Variants in UBAC2 observed in about 807,000 individuals in gnomAD.
The protein encoded by UBAC2 is ubiquitin-associated domain-containing protein 2.
A neutral mutation model predicts 44.0 loss-of-function variants in UBAC2; 26 were observed. The observed-to-expected ratio is 0.59, with a 90% CI of 0.43 to 0.82. UBAC2 has a LOEUF of 0.82. Ranked by LOEUF, UBAC2 falls within the 40% of genes least tolerant of loss-of-function variation. The pLI, the probability that UBAC2 is intolerant of heterozygous loss-of-function variation, is 0.00. For synonymous variants in UBAC2, 155 were observed against 154.3 expected (o/e 1.00, Z -0.04); for missense variants, 329 against 419.4 (o/e 0.78, Z 1.88).
chr13:99,302,776 C>T (rs1430538951), intron 4 of UBAC2, among the ~76,000 whole-genome samples: 1 of 152,156 alleles, frequency 6.6e-6, no homozygotes, highest in Non-Finnish European at 1.5e-5. Context: ...TTAGTAAAGT[C>T]AAATTGTCCA....
In UBAC2 at chr13:99,295,219, G is replaced by T; in HGVS notation, c.390-18878G>T. On this transcript the variant is annotated intron_variant, in intron 4 of 8. Coordinates refer to ENST00000403766, the MANE Select transcript of UBAC2 (RefSeq NM_001144072.2). This position sits in a 1 kb window ranked among gnomAD's most constrained non-coding sequence, Gnocchi z 4.1. ...TTCTCTTATACCCTTTACATGCAAAGAAGTAGATAAAAGGGTCCATGCAGC... is the reference window on the plus strand; with the variant it reads ...TTCTCTTATACCCTTTACATGCAAATAAGTAGATAAAAGGGTCCATGCAGC... 3.1e-6 allele frequency: 5 copies of T among 1,614,104 alleles called. No homozygotes were observed. The highest frequency in any genetic ancestry group is 4.2e-6 in the Non-Finnish European group (5 of 1,179,996).
chr13:99,269,424 GTTATTA>G (rs2043789136), intron 4 of UBAC2, among the ~76,000 whole-genome samples: 1 of 152,140 alleles, frequency 6.6e-6, no homozygotes, highest in East Asian at 1.9e-4. Flanking sequence ...GCAATGTAGA[GTTATTA>G]TTATATTTCT....
intron 4 of UBAC2, among the ~76,000 whole-genome samples, chr13:99,282,927 C>T (rs9585032): frequency 6.6e-6 from 1 of 152,078 alleles, no homozygotes; most frequent in African/African-American, 2.4e-5. Context: ...TGCTTGAAAT[C>T]TAATGTGCTT....
At chr13:99,303,270 T>A (rs2044282754) in intron 4 of UBAC2, among the ~76,000 whole-genome samples, 1 of 152,264 alleles carries the variant, frequency 6.6e-6, no homozygotes, top group African/African-American at 2.4e-5. Context: ...TTGTGCTTTA[T>A]ATGTGTCCTG....
At chr13:99,292,300 T>C (rs1195460255) in intron 4 of UBAC2, among the ~76,000 whole-genome samples, 1 of 144,158 alleles carries the variant, frequency 6.9e-6, no homozygotes, top group Non-Finnish European at 1.6e-5. Context: ...CACGCCCAGC[T>C]AATTTTTTTT....
At chr13:99,382,923 G>A (rs1238474369) in intron 8 of UBAC2, among the ~76,000 whole-genome samples, 1 of 152,152 alleles carries the variant, frequency 6.6e-6, no homozygotes, top group African/African-American at 2.4e-5. Flanking sequence ...AAAGCCAGTG[G>A]GTTGAGGGAG....
At chr13:99,342,510 A>G (rs946127469) in intron 7 of UBAC2, among the ~76,000 whole-genome samples, 2 of 152,220 alleles carry the variant, frequency 1.3e-5, no homozygotes, top group South Asian at 2.1e-4. Context: ...TGTGGATGCC[A>G]GGTTGGATGC....
intron 1 of UBAC2, among the ~76,000 whole-genome samples, chr13:99,237,406 A>G (rs9582287): frequency 0.098 from 14,966 of 152,226 alleles, 887 homozygotes; most frequent in South Asian, 0.27. Context: ...CAAAGATTGC[A>G]TGTTCTCACA....
At chr13:99,367,400 A>G in intron 7 of UBAC2, among the ~76,000 whole-genome samples, 1 of 152,212 alleles carries the variant, frequency 6.6e-6, no homozygotes. Flanking sequence ...CCTCGTCTCC[A>G]TGCCTTCCTT....
intron 7 of UBAC2, among the ~76,000 whole-genome samples, chr13:99,341,024 A>T (rs1016344287): frequency 4.0e-4 from 15 of 37,612 alleles, no homozygotes; most frequent in Admixed American, 2.1e-3. Flanking sequence ...AGGAGTAGAT[A>T]AAAAAAAATG....
chr13:99,218,495 T>G (rs1470409536), intron 1 of UBAC2, among the ~76,000 whole-genome samples: 5 of 91,824 alleles, frequency 5.4e-5, no homozygotes, highest in Non-Finnish European at 1.1e-4. Flanking sequence ...TTTCCTGACC[T>G]TTTTTTTTTT....
chr13:99,242,290 C>T (rs1307312341), intron 2 of UBAC2, among the ~76,000 whole-genome samples: 1 of 152,020 alleles, frequency 6.6e-6, no homozygotes, highest in Non-Finnish European at 1.5e-5. Flanking sequence ...GGCAGAGGTG[C>T]CCCTCACCTC....
At chr13:99,296,922 T>C (rs909555543) in intron 4 of UBAC2, among the ~76,000 whole-genome samples, 1 of 152,210 alleles carries the variant, frequency 6.6e-6, no homozygotes, top group African/African-American at 2.4e-5. Context: ...CAATCTATAC[T>C]TCTACCTTTG....
intron 7 of UBAC2, among the ~76,000 whole-genome samples, chr13:99,362,508 T>C (rs1197277894): frequency 2.0e-5 from 3 of 152,226 alleles, no homozygotes; most frequent in African/African-American, 7.2e-5. Flanking sequence ...TTCTTTCACA[T>C]CATTCCCACA....
At chr13:99,243,693 A>G (rs1293347708) in intron 2 of UBAC2, 139 bp from the exon 3 acceptor site, 1 of 714,856 alleles carries the variant, frequency 1.4e-6, no homozygotes, top group Non-Finnish European at 2.2e-6. Flanking sequence ...ACATACATAT[A>G]TAGTTTTCCT....
intron 4 of UBAC2, 93 bp downstream of exon 4, chr13:99,244,717 T>A (rs2043360705): frequency 2.7e-6 from 2 of 741,730 alleles, no homozygotes; most frequent in Non-Finnish European, 4.3e-6. Context: ...AAAATAATAT[T>A]TTAAACTTCT....
chr13:99,215,247 C>A, intron 1 of UBAC2: 1 of 648,536 alleles, frequency 1.5e-6, no homozygotes. Flanking sequence ...TTCCAACTTG[C>A]CCAAATAGAA....
chr13:99,355,752 C>T (rs924795381), intron 7 of UBAC2, among the ~76,000 whole-genome samples: 16 of 152,378 alleles, frequency 1.1e-4, no homozygotes, highest in African/African-American at 3.6e-4. Flanking sequence ...CAGCCCGCAG[C>T]GTGCTTGGTG....
intron 4 of UBAC2, chr13:99,313,280 G>A (rs549687320): frequency 1.9e-3 from 297 of 152,400 alleles, no homozygotes; most frequent in Admixed American, 4.0e-3. Context: ...CACTACGCCC[G>A]GCCGGAAGGA....
Sources: allele counts gnomAD v4.1 joint callset (sites outside exome capture counted in the v4.1 genomes callset), GRCh38; gene constraint gnomAD v4.1.1; non-coding constraint Gnocchi (gnomAD v3.1); transcripts MANE v1.5; gene names NCBI Gene and HGNC (gene_info 2026-07-23, HGNC 2026-07-21).